MCTP1: variants seen among roughly 807,000 people sequenced by gnomAD.
MCTP1 encodes the protein multiple C2 and transmembrane domain containing 1, also known as multiple C2 and transmembrane domain-containing protein 1.
Under a neutral mutation model 120.6 loss-of-function variants are expected in MCTP1, and 69 were observed. The observed-to-expected ratio is 0.57, with a 90% CI of 0.47 to 0.70. The LOEUF is 0.70. Ranked by LOEUF, MCTP1 falls within the 30% of genes least tolerant of loss-of-function variation. MCTP1 has a pLI of 0.00. For synonymous variants in MCTP1, 529 were observed against 493.1 expected (o/e 1.07, Z -0.96); for missense variants, 1,203 against 1,248.8 (o/e 0.96, Z 0.55).
intron 10 of MCTP1, among the ~76,000 whole-genome samples, chr5:94,906,224 C>T (rs1267710614): frequency 2.0e-5 from 3 of 152,110 alleles, no homozygotes; most frequent in Admixed American, 1.3e-4. Context: ...GTGGCTCACA[C>T]CTGTTAATCC....
At chr5:94,873,114 A>T (rs558847230) in intron 13 of MCTP1, 25 bp downstream of exon 13, 31 of 1,299,190 alleles carry the variant, frequency 2.4e-5, no homozygotes, top group Non-Finnish European at 3.5e-5. Flanking sequence ...TTTTGGATTC[A>T]GAGCCCAAAG....
chr5:95,166,460 C>A (rs997862275), intron 1 of MCTP1, among the ~76,000 whole-genome samples: 1 of 152,152 alleles, frequency 6.6e-6, no homozygotes, highest in Non-Finnish European at 1.5e-5. Context: ...TAGATTCTTA[C>A]CGTCTTGTCA....
chr5:95,082,163 T>C (rs1755021586), intron 1 of MCTP1, among the ~76,000 whole-genome samples: 1 of 152,228 alleles, frequency 6.6e-6, no homozygotes, highest in South Asian at 2.1e-4. Flanking sequence ...TTGCTGTTGC[T>C]GTTTCCCACA....
chr5:95,256,380 T>C (rs151199618), intron 1 of MCTP1, among the ~76,000 whole-genome samples: 52 of 152,294 alleles, frequency 3.4e-4, no homozygotes, highest in African/African-American at 1.1e-3. Context: ...GTCCTCTCCT[T>C]ACCCATCTCA....
chr5:95,183,543 T>C (rs1748853096), intron 1 of MCTP1, among the ~76,000 whole-genome samples: 1 of 152,072 alleles, frequency 6.6e-6, no homozygotes, highest in Non-Finnish European at 1.5e-5. Context: ...GCCAGAAATT[T>C]GGAGCATGAA....
At chr5:94,947,577 T>TATATATATATATATATATATAGAGAG in intron 3 of MCTP1, among the ~76,000 whole-genome samples, 9 of 47,382 alleles carry the variant, frequency 1.9e-4, no homozygotes, top group South Asian at 7.0e-4. Context: ...TATATATATA[T>TATATATATATATATATATATAGAGAG]AGAGAGAGAG....
intron 1 of MCTP1, chr5:95,166,162 T>C (rs1166871741): frequency 6.6e-6 from 1 of 152,246 alleles, no homozygotes; most frequent in African/African-American, 2.4e-5. Context: ...TCCAGTGTTG[T>C]ATAGGTGAAA....
intron 19 of MCTP1, among the ~76,000 whole-genome samples, chr5:94,722,339 T>TG (rs1490133571): frequency 3.3e-5 from 5 of 152,184 alleles, no homozygotes; most frequent in African/African-American, 1.2e-4. Flanking sequence ...TGCCGAGCTG[T>TG]GTCCTAGCTT....
intron 18 of MCTP1, among the ~76,000 whole-genome samples, chr5:94,780,073 T>C (rs922384619): frequency 3.3e-5 from 5 of 152,072 alleles, no homozygotes; most frequent in Non-Finnish European, 5.9e-5. Flanking sequence ...GTGGGAGAAG[T>C]GTTGTTATTC....
At chr5:94,946,782 TCTCA>T (rs1819046631) in intron 3 of MCTP1, among the ~76,000 whole-genome samples, 1 of 152,174 alleles carries the variant, frequency 6.6e-6, no homozygotes. Context: ...AGTTTTGGGA[TCTCA>T]CTCAGGTCTT....
chr5:95,159,805 G>A (rs1745521531), intron 1 of MCTP1, among the ~76,000 whole-genome samples: 1 of 152,034 alleles, frequency 6.6e-6, no homozygotes, highest in South Asian at 2.1e-4. Flanking sequence ...CACAAAGAGG[G>A]AAGCATCAAG....
At chr5:95,012,763 C>A (rs1836278483) in intron 2 of MCTP1, among the ~76,000 whole-genome samples, 1 of 152,082 alleles carries the variant, frequency 6.6e-6, no homozygotes, top group Admixed American at 6.6e-5. Context: ...CACCGACCAG[C>A]TGTTATCCAT....
intron 3 of MCTP1, among the ~76,000 whole-genome samples, chr5:94,951,953 C>T (rs1820699242): frequency 6.6e-6 from 1 of 152,080 alleles, no homozygotes. Context: ...GCACAGATCA[C>T]TTGAGGCCGG....
intron 1 of MCTP1, among the ~76,000 whole-genome samples, chr5:95,092,425 T>C (rs964798606): frequency 1.8e-4 from 28 of 152,184 alleles, no homozygotes; most frequent in African/African-American, 6.5e-4. Flanking sequence ...TACGTTCTAG[T>C]ATTCTGTAGT....
chr5:95,088,940 C>T (rs1160221471), intron 1 of MCTP1, among the ~76,000 whole-genome samples: 1 of 152,122 alleles, frequency 6.6e-6, no homozygotes, highest in Admixed American at 6.5e-5. Context: ...CACAATGTTC[C>T]CAAGGAAGAG....
At position 95,171,724 on chromosome 5, in the gene MCTP1, C is replaced by T. The variant is rs540090456; in HGVS notation, c.720+112132G>A. On this transcript the variant is annotated intron_variant, in intron 1 of 22. Coordinates refer to ENST00000515393, the MANE Select transcript of MCTP1 (RefSeq NM_024717.7). ...AATCGGTTACTGAAGCTTGTGCATT[C>T]GTTGCGTAGTTCTCATGCCATGGTT... Among the ~76,000 whole-genome samples the T allele has an allele frequency of 1.2e-4, 19 of 152,256 alleles. No homozygotes were observed. The East Asian group carries it at 2.9e-3, about 23-fold the overall frequency.
intron 2 of MCTP1, among the ~76,000 whole-genome samples, chr5:94,969,307 T>A (rs1259080608): frequency 5.3e-5 from 8 of 152,186 alleles, no homozygotes; most frequent in Admixed American, 2.6e-4. Flanking sequence ...TGTGTCCATT[T>A]TTATGTAGCA....
chr5:95,248,839 G>A (rs1425647367), intron 1 of MCTP1, among the ~76,000 whole-genome samples: 1 of 152,108 alleles, frequency 6.6e-6, no homozygotes, highest in African/African-American at 2.4e-5. Context: ...CAATGGAACA[G>A]AACAGAGGCC....
At chr5:95,033,954 C>T (rs978219807) in intron 1 of MCTP1, among the ~76,000 whole-genome samples, 1 of 151,848 alleles carries the variant, frequency 6.6e-6, no homozygotes, top group African/African-American at 2.4e-5. Flanking sequence ...AAAGTAAGAA[C>T]TCAATCCCAT....
Sources: gnomAD v4.1 joint callset for allele counts (sites outside exome capture counted in the v4.1 genomes callset) on GRCh38, gnomAD v4.1.1 for gene constraint, MANE v1.5 for transcripts, NCBI Gene and HGNC (gene_info 2026-07-23, HGNC 2026-07-21) for gene names.